The following DACH1 variants were observed in gnomAD, a reference collection of about 807,000 sequenced individuals.
DACH1 encodes the protein dachshund homolog 1.
In DACH1, 12 loss-of-function variants were observed where a neutral mutation model predicts 54.2. The ratio of observed to expected loss-of-function variants is 0.22; its 90% confidence interval spans 0.14 to 0.36. The LOEUF is 0.36. Among genes scored for constraint, DACH1 ranks in the 10% least tolerant of loss-of-function variants. The pLI is 1.00. For synonymous variants in DACH1, 386 were observed against 366.2 expected (o/e 1.05, Z -0.62); for missense variants, 805 against 929.8 (o/e 0.87, Z 1.75).
At chr13:71,711,638 A>C (rs1251073466) in intron 1 of DACH1, among the ~76,000 whole-genome samples, 1 of 152,156 alleles carries the variant, frequency 6.6e-6, no homozygotes, top group East Asian at 1.9e-4. Flanking sequence ...TCAAACCAGA[A>C]TTAATTTTTT....
intron 1 of DACH1, among the ~76,000 whole-genome samples, chr13:71,751,639 C>T (rs994412365): frequency 1.3e-5 from 2 of 152,062 alleles, no homozygotes; most frequent in Non-Finnish European, 2.9e-5. Context: ...AATGAAAATA[C>T]ATTCTGAAAA....
chr13:71,470,057 T>G, intron 10 of DACH1, among the ~76,000 whole-genome samples: 1 of 152,194 alleles, frequency 6.6e-6, no homozygotes, highest in East Asian at 1.9e-4. Flanking sequence ...TTTTTCTTGG[T>G]TTTAAAAAAC....
chr13:71,569,014 C>G (rs572769788), intron 4 of DACH1, among the ~76,000 whole-genome samples: 49 of 152,194 alleles, frequency 3.2e-4, no homozygotes, highest in African/African-American at 1.2e-3. Context: ...CTCAATACAA[C>G]CAGCCATAGA....
Position 71,589,802 on chromosome 13 carries a change from CTT to C in DACH1, c.1127-16792_1127-16791del, listed in dbSNP as rs577958830. Among the ~76,000 whole-genome samples, 834 of 152,084 alleles carry C rather than the reference CTT, an allele frequency of 5.5e-3. 8 individuals are homozygous for C. Among genetic ancestry groups the C allele is most frequent in the African/African-American group, 0.019 (771 of 41,528 alleles). ...CTGAAAAAAGAACAAAATTTGCTAA[CTT>C]AATATAATTGATGTTTTATATTATC... On this transcript the variant is annotated intron_variant, in intron 3 of 10. Coordinates refer to ENST00000613252, the MANE Select transcript of DACH1 (RefSeq NM_080759.6).
chr13:71,518,403 CTG>C (rs1230040832), intron 6 of DACH1, among the ~76,000 whole-genome samples: 2 of 151,674 alleles, frequency 1.3e-5, no homozygotes, highest in Non-Finnish European at 2.9e-5. Context: ...AAAAAAAAAT[CTG>C]TTGTTTAACC....
chr13:71,464,466 A>G, intron 10 of DACH1: 1 of 322,382 alleles, frequency 3.1e-6, no homozygotes, highest in Non-Finnish European at 6.0e-6. Flanking sequence ...AACTTGTGCA[A>G]TTTTTATTTT....
intron 6 of DACH1, among the ~76,000 whole-genome samples, chr13:71,524,684 C>T (rs542604767): frequency 2.0e-5 from 3 of 151,858 alleles, no homozygotes; most frequent in East Asian, 1.9e-4. Flanking sequence ...TTTGGTGATC[C>T]GCCAGTTTGA....
intron 2 of DACH1, among the ~76,000 whole-genome samples, chr13:71,664,196 A>C (rs1330758880): frequency 6.6e-6 from 1 of 152,012 alleles, no homozygotes; most frequent in African/African-American, 2.4e-5. Flanking sequence ...AATTTCATTT[A>C]ACACTAAATT....
chr13:71,719,014 C>G (rs893142437), intron 1 of DACH1, among the ~76,000 whole-genome samples: 26 of 152,106 alleles, frequency 1.7e-4, no homozygotes, highest in Non-Finnish European at 3.4e-4. Flanking sequence ...ATCTTCATGT[C>G]TCTACTGTTA....
At chr13:71,592,092 G>A (rs886705002) in intron 3 of DACH1, among the ~76,000 whole-genome samples, 3 of 152,056 alleles carry the variant, frequency 2.0e-5, no homozygotes, top group Non-Finnish European at 4.4e-5. Context: ...TAAAAATTCT[G>A]TGTAATATAG....
At chr13:71,769,150 A>G (rs1885753960) in intron 1 of DACH1, among the ~76,000 whole-genome samples, 1 of 151,810 alleles carries the variant, frequency 6.6e-6, no homozygotes, top group Non-Finnish European at 1.5e-5. Context: ...GCCAGATGAC[A>G]TGATTCATTT....
intron 10 of DACH1, among the ~76,000 whole-genome samples, chr13:71,472,199 A>G (rs1877141267): frequency 1.3e-5 from 2 of 152,168 alleles, no homozygotes; most frequent in African/African-American, 4.8e-5. Context: ...ATTCCTAGTT[A>G]TTTGAAAATC....
intron 1 of DACH1, among the ~76,000 whole-genome samples, chr13:71,769,505 A>C (rs1425062195): frequency 6.6e-6 from 1 of 151,662 alleles, no homozygotes; most frequent in Non-Finnish European, 1.5e-5. Flanking sequence ...ATAAATCTAC[A>C]TTGTTATCAA....
intron 6 of DACH1, among the ~76,000 whole-genome samples, chr13:71,510,030 T>G (rs770464152): frequency 2.6e-5 from 4 of 152,082 alleles, no homozygotes; most frequent in Non-Finnish European, 4.4e-5. Flanking sequence ...TTATCAGACC[T>G]CCCTCTACTT....
intron 4 of DACH1, among the ~76,000 whole-genome samples, chr13:71,571,238 G>A (rs1465276673): frequency 3.3e-5 from 5 of 151,824 alleles, no homozygotes; most frequent in Non-Finnish European, 5.9e-5. Flanking sequence ...TAATCACATC[G>A]TATACATTAA....
intron 1 of DACH1, among the ~76,000 whole-genome samples, chr13:71,776,815 C>T (rs1231982710): frequency 6.6e-6 from 1 of 152,090 alleles, no homozygotes; most frequent in Non-Finnish European, 1.5e-5. Flanking sequence ...TACTTTGTCA[C>T]TCACTGGTAA....
chr13:71,651,895 T>C (rs888729366), intron 2 of DACH1, among the ~76,000 whole-genome samples: 1 of 152,204 alleles, frequency 6.6e-6, no homozygotes, highest in Admixed American at 6.5e-5. Context: ...ATTATATCTA[T>C]AATGTATGTT....
At chr13:71,474,790 A>T (rs1460047947) in intron 10 of DACH1, among the ~76,000 whole-genome samples, 1 of 152,232 alleles carries the variant, frequency 6.6e-6, no homozygotes, top group Non-Finnish European at 1.5e-5. Flanking sequence ...CTATTTGATT[A>T]ACCACATATT....
At chr13:71,742,616 A>G (rs371621296) in intron 1 of DACH1, among the ~76,000 whole-genome samples, 13 of 152,174 alleles carry the variant, frequency 8.5e-5, no homozygotes, top group African/African-American at 2.2e-4. Flanking sequence ...AAAAATAAAG[A>G]TATGTTTTAC....
Sources: gnomAD v4.1 joint callset for allele counts (sites outside exome capture counted in the v4.1 genomes callset) on GRCh38, gnomAD v4.1.1 for gene constraint, MANE v1.5 for transcripts, NCBI Gene and HGNC (gene_info 2026-07-23, HGNC 2026-07-21) for gene names.